The following WDR19 variants were observed in gnomAD, a reference collection of about 807,000 sequenced individuals.
WDR19 encodes the protein WD repeat-containing protein 19.
Under a neutral mutation model 180.0 loss-of-function variants are expected in WDR19, and 121 were observed. The ratio of observed to expected loss-of-function variants is 0.67; its 90% confidence interval spans 0.58 to 0.78. WDR19 has a LOEUF of 0.78. Among genes scored for constraint, WDR19 ranks in the 30% least tolerant of loss-of-function variants. The probability of loss-of-function intolerance (pLI) is 0.00; values close to 1 mark genes in which losing one functional copy is unlikely to be tolerated. For synonymous variants in WDR19, 497 were observed against 540.7 expected (o/e 0.92, Z 1.12); for missense variants, 1,450 against 1,640.7 (o/e 0.88, Z 2.01).
At chr4:39,188,399 G>T (rs148544700) in intron 3 of WDR19, among the ~76,000 whole-genome samples, 1 of 151,510 alleles carries the variant, frequency 6.6e-6, no homozygotes. Context: ...AATTACTCTC[G>T]TTATTTTCCA....
Position 39,183,199 on chromosome 4 carries a change from G to C in WDR19, c.6+636G>C, listed in dbSNP as rs1725133996. On this transcript the variant is annotated intron_variant, in intron 1 of 36. Transcript: ENST00000399820. ...GGGCTTCTTGTTCACCCCACTTTCT[G>C]ATTTATCAGAGCAGTCCCCCCTTGC... Among the ~76,000 whole-genome samples, 3 of 144,172 alleles carry C rather than the reference G, an allele frequency of 2.1e-5. No individual in the cohort carries two copies. The South Asian group carries it at 6.8e-4, about 33-fold the overall frequency. The allele number at this position is 144,172 out of a possible 152,430, so 94.6% of individuals were successfully genotyped here.
At chr4:39,186,004 T>C (rs1725494974) in intron 2 of WDR19, among the ~76,000 whole-genome samples, 187 bp downstream of exon 2, 1 of 151,872 alleles carries the variant, frequency 6.6e-6, no homozygotes, top group African/African-American at 2.4e-5. Flanking sequence ...CAAGTGAACC[T>C]GGCCTCAGTA....
At chr4:39,203,592 G>T in intron 6 of WDR19, 50 bp from the exon 7 acceptor site, 2 of 1,435,674 alleles carry the variant, frequency 1.4e-6, no homozygotes, top group South Asian at 2.4e-5. Context: ...TATTCAGAAT[G>T]AATTTAAATA....
At chr4:39,202,401 T>A (rs181251218) in intron 6 of WDR19, among the ~76,000 whole-genome samples, 3 of 152,284 alleles carry the variant, frequency 2.0e-5, no homozygotes, top group Non-Finnish European at 4.4e-5. Flanking sequence ...GTATAAAAAA[T>A]GGCTCTCATA....
chr4:39,242,624 A>G (rs1483280610), intron 21 of WDR19, among the ~76,000 whole-genome samples: 1 of 152,102 alleles, frequency 6.6e-6, no homozygotes, highest in Non-Finnish European at 1.5e-5. Flanking sequence ...GGAGTTCAAG[A>G]CCAGCTGGAC....
At chr4:39,222,257 A>G (rs990764286) in intron 14 of WDR19, among the ~76,000 whole-genome samples, 6 of 152,032 alleles carry the variant, frequency 3.9e-5, no homozygotes, top group Admixed American at 3.3e-4. Flanking sequence ...CCAATTTTTG[A>G]TTGAGTTGTT....
Position 39,231,846 on chromosome 4 carries a change from T to C in WDR19, c.2032T>C (p.Trp678Arg). 1 of 1,605,498 alleles carries C rather than the reference T, an allele frequency of 6.2e-7. No individual in the cohort carries two copies. The highest frequency in any genetic ancestry group is 8.5e-7 in the Non-Finnish European group (1 of 1,172,984). The change falls in exon 18 of 37, where the codon TGG (tryptophan) becomes CGG (arginine). Residue 678 changes from tryptophan to arginine, a missense_variant. By Grantham distance (101) the Trp-to-Arg change is moderately radical (BLOSUM62 -3). Transcript: ENST00000399820. The stretch of plus-strand genomic sequence containing the variant: ...CAGGATTCTGAATGATGAGGCTGCC[T>C]GGAATGAGTTGGCCAGAGCTTGTCT... Reference protein sequence around the residue: ...MCRILNDEAAWNELARACLHH... With the variant: ...MCRILNDEAARNELARACLHH...
At chr4:39,250,312 C>T (rs1733021159) in intron 24 of WDR19, among the ~76,000 whole-genome samples, 2 of 152,210 alleles carry the variant, frequency 1.3e-5, no homozygotes, top group South Asian at 4.1e-4. Flanking sequence ...AACAACGCTT[C>T]ATGCTAAAAG....
At chr4:39,279,352 T>C (rs921446976) in intron 36 of WDR19, among the ~76,000 whole-genome samples, 3 of 152,236 alleles carry the variant, frequency 2.0e-5, no homozygotes, top group Non-Finnish European at 2.9e-5. Context: ...AGCCAACCAG[T>C]TGGACAGGAC....
At chr4:39,243,929 T>C (rs1339666249) in intron 21 of WDR19, among the ~76,000 whole-genome samples, 2 of 152,230 alleles carry the variant, frequency 1.3e-5, no homozygotes, top group Non-Finnish European at 2.9e-5. Flanking sequence ...ATTTTATTCA[T>C]AGCATTTATG....
intron 27 of WDR19, 46 bp from the exon 28 acceptor site, chr4:39,257,440 G>A (rs759317858): frequency 3.3e-6 from 5 of 1,527,262 alleles, no homozygotes; most frequent in Non-Finnish European, 4.4e-6. Flanking sequence ...TTTCCCTAAT[G>A]TGAAAACATT....
At position 39,217,999 on chromosome 4, in the gene WDR19, T is replaced by C. The variant is rs1729252548; in HGVS notation, c.1373T>C (p.Leu458Ser). ...VQLHLIESEI[L>S]DAQEERETRL... ...ACGTTTTAGATAGAAAGCGAAATCTTGGATGCTCAAGAAGAACGTGAGACT... is the reference window on the plus strand; with the variant it reads ...ACGTTTTAGATAGAAAGCGAAATCTCGGATGCTCAAGAAGAACGTGAGACT... Residue 458 changes from leucine (L) to serine (S), a missense_variant, in exon 14 of 37, where the codon TTG (leucine) becomes TCG (serine). Coordinates refer to ENST00000399820, the MANE Select transcript of WDR19 (RefSeq NM_025132.4). 7 of 1,613,718 alleles carry C rather than the reference T, an allele frequency of 4.3e-6. No homozygotes were observed. The highest frequency in any genetic ancestry group is 5.9e-6 in the Non-Finnish European group (7 of 1,179,792).
chr4:39,209,802 G>A (rs1560495007), intron 9 of WDR19, among the ~76,000 whole-genome samples: 1 of 150,696 alleles, frequency 6.6e-6, no homozygotes. Flanking sequence ...ACAAAAATAA[G>A]AGAATAGACA....
chr4:39,274,722 T>C, intron 32 of WDR19, 86 bp from the exon 33 acceptor site: 1 of 1,478,544 alleles, frequency 6.8e-7, no homozygotes, highest in Non-Finnish European at 9.2e-7. Context: ...GACCCTGTTT[T>C]CCTACAGAAC....
intron 24 of WDR19, 96 bp from the exon 25 acceptor site, chr4:39,253,050 C>A: frequency 1.7e-6 from 2 of 1,201,810 alleles, no homozygotes; most frequent in South Asian, 1.9e-5. Flanking sequence ...AAGCAGTCAC[C>A]ATCAATAAAA....
chr4:39,271,203 G>C (rs552295519), intron 31 of WDR19, among the ~76,000 whole-genome samples: 100 of 152,182 alleles, frequency 6.6e-4, no homozygotes, highest in African/African-American at 2.3e-3. Context: ...GGCCAGAAAA[G>C]AATTTTTTAA....
chr4:39,196,060 GTA>G (rs2109269738), intron 5 of WDR19, among the ~76,000 whole-genome samples: 1 of 152,210 alleles, frequency 6.6e-6, no homozygotes, highest in Admixed American at 6.5e-5. Flanking sequence ...CCTTTCTTGG[GTA>G]TAGAAAGATG....
chr4:39,189,367 G>A (rs751559848), intron 3 of WDR19, among the ~76,000 whole-genome samples: 1 of 152,104 alleles, frequency 6.6e-6, no homozygotes, highest in Admixed American at 6.5e-5. Flanking sequence ...AAAAGGCAGG[G>A]TTCTTTATAG....
At chr4:39,280,826 T>G (rs1736423338) in intron 36 of WDR19, among the ~76,000 whole-genome samples, 1 of 152,190 alleles carries the variant, frequency 6.6e-6, no homozygotes, top group South Asian at 2.1e-4. Flanking sequence ...CATGAAGATT[T>G]ACACCTGTTT....
Sources: allele counts gnomAD v4.1 joint callset (sites outside exome capture counted in the v4.1 genomes callset), GRCh38; gene constraint gnomAD v4.1.1; transcripts MANE v1.5; gene names NCBI Gene and HGNC (gene_info 2026-07-23, HGNC 2026-07-21).